The following LRRC20 variants were observed in gnomAD, a reference collection of about 807,000 sequenced individuals.
LRRC20 encodes the protein leucine-rich repeat-containing protein 20.
LRRC20 carries 11 observed loss-of-function variants against 14.4 expected under a neutral mutation model. The ratio of observed to expected loss-of-function variants is 0.77; its 90% CI spans 0.48 to 1.27. The LOEUF (loss-of-function observed/expected upper bound fraction) is 1.27, where lower values mean the gene tolerates loss of function less well. Ranked by LOEUF, LRRC20 falls within the 50% of genes most tolerant of loss-of-function variation. The pLI is 0.00. For synonymous variants in LRRC20, 121 were observed against 107.3 expected (o/e 1.13, Z -0.79); for missense variants, 219 against 251.2 (o/e 0.87, Z 0.87).
intron 2 of LRRC20, among the ~76,000 whole-genome samples, chr10:70,375,702 T>G (rs1170416712): frequency 6.6e-6 from 1 of 152,166 alleles, no homozygotes; most frequent in Admixed American, 6.6e-5. Flanking sequence ...CAGTGGTGCC[T>G]GCATTCCATG....
At chr10:70,361,850 C>A (rs2394724) in intron 2 of LRRC20, among the ~76,000 whole-genome samples, 140,396 of 152,210 alleles carry the variant, frequency 0.92, 64,925 homozygotes, top group Middle Eastern at 0.97. Context: ...GCACCTTAGC[C>A]AAAAACAGTC....
At chr10:70,376,371 T>A (rs1186846190) in intron 2 of LRRC20, 81 bp downstream of exon 2, 1 of 1,396,950 alleles carries the variant, frequency 7.2e-7, no homozygotes, top group Non-Finnish European at 1.0e-6. Context: ...CTGACGCTTG[T>A]GTCTTTCATC....
intron 3 of LRRC20, among the ~76,000 whole-genome samples, chr10:70,327,876 G>A (rs1842387894): frequency 6.6e-6 from 1 of 152,132 alleles, no homozygotes; most frequent in South Asian, 2.1e-4. Flanking sequence ...CTGTCTCATG[G>A]GCTCTGCATT....
At chr10:70,306,964 T>A (rs1841448863) in intron 4 of LRRC20, among the ~76,000 whole-genome samples, 1 of 152,250 alleles carries the variant, frequency 6.6e-6, no homozygotes, top group Non-Finnish European at 1.5e-5. Context: ...ATTGTCCAGA[T>A]TTGACCACTG....
chr10:70,340,683 C>T lies in LRRC20; in HGVS notation c.102G>A (p.Leu34=). 1 of 1,614,196 alleles carries T rather than the reference C, an allele frequency of 6.2e-7. No individual in the cohort carries two copies. The highest frequency in any genetic ancestry group is 8.5e-7 in the Non-Finnish European group (1 of 1,180,042). The stretch of plus-strand genomic sequence containing the variant: ...TGTAGATGCCAATGGGAAAGGAGAC[C>T]AGCTTGCACTCGGCCAGGTCTGCAG... ...SDTLDLAECK[L]VSFPIGIYKV... Residue 34 remains leucine (L), a synonymous_variant, in exon 3 of 5, where the codon CTG becomes CTA. Transcript: ENST00000446961.
intron 4 of LRRC20, among the ~76,000 whole-genome samples, chr10:70,307,377 A>G (rs1232632055): frequency 5.3e-5 from 8 of 152,228 alleles, no homozygotes; most frequent in African/African-American, 1.9e-4. Flanking sequence ...TTGCTCTGTC[A>G]ATGAATATGT....
chr10:70,321,770 C>T lies in LRRC20; in HGVS notation c.400+2093G>A, dbSNP rs549807325. On this transcript the variant is annotated intron_variant, in intron 4 of 4. Coordinates refer to ENST00000446961, the MANE Select transcript of LRRC20 (RefSeq NM_001278212.2). ...GTCACTGATGTCTCTCTTACCTGGC[C>T]AGATGTGTGATAGGCACTTGGCCAT... 1.2e-3 allele frequency among the ~76,000 whole-genome samples: 176 copies of T among 152,334 alleles called. 2 individuals carry two copies. In the South Asian group the frequency reaches 0.035, roughly 31 times the overall value.
intron 3 of LRRC20, among the ~76,000 whole-genome samples, chr10:70,339,596 C>T (rs537830235): frequency 3.3e-4 from 51 of 152,258 alleles, no homozygotes; most frequent in African/African-American, 1.2e-3. Context: ...GTACAACAGG[C>T]GCCCATGCCA....
intron 4 of LRRC20, among the ~76,000 whole-genome samples, chr10:70,319,100 C>T (rs377148977): frequency 6.6e-6 from 1 of 151,618 alleles, no homozygotes; most frequent in Non-Finnish European, 1.5e-5. Context: ...AGCCACCATG[C>T]CCAACTTAAA....
chr10:70,345,948 A>G (rs1050296941), intron 2 of LRRC20, among the ~76,000 whole-genome samples: 1 of 152,040 alleles, frequency 6.6e-6, no homozygotes, highest in Non-Finnish European at 1.5e-5. Flanking sequence ...TGGGCAACAC[A>G]GCAAGACCCG....
At chr10:70,349,033 C>A in intron 2 of LRRC20, among the ~76,000 whole-genome samples, 1 of 152,094 alleles carries the variant, frequency 6.6e-6, no homozygotes, top group East Asian at 1.9e-4. Flanking sequence ...GGGCCCCACC[C>A]AGGGAAGAGA....
intron 4 of LRRC20, among the ~76,000 whole-genome samples, chr10:70,304,470 T>TTATATAGATAGATATA (rs1554835659): frequency 1.8e-5 from 2 of 113,826 alleles, no homozygotes; most frequent in African/African-American, 6.0e-5. Context: ...GGCCACTTCT[T>TTATATAGATAGATATA]TATATATATA....
intron 4 of LRRC20, among the ~76,000 whole-genome samples, chr10:70,316,785 A>G (rs1032760313): frequency 6.6e-6 from 1 of 152,246 alleles, no homozygotes; most frequent in African/African-American, 2.4e-5. Flanking sequence ...TGTTTGTCTA[A>G]TGACCACCTC....
At chr10:70,307,292 A>T (rs1423265055) in intron 4 of LRRC20, among the ~76,000 whole-genome samples, 1 of 152,216 alleles carries the variant, frequency 6.6e-6, no homozygotes, top group Non-Finnish European at 1.5e-5. Flanking sequence ...CAGCAATGAC[A>T]CCCAAGTGGC....
intron 1 of LRRC20, among the ~76,000 whole-genome samples, chr10:70,378,721 G>A (rs994279576): frequency 1.6e-4 from 24 of 147,704 alleles, no homozygotes; most frequent in Non-Finnish European, 3.1e-4. Context: ...GCAGTGAGCC[G>A]AGATTGTGTC....
intron 3 of LRRC20, 42 bp downstream of exon 3, chr10:70,340,511 G>A (rs750147130): frequency 1.9e-6 from 3 of 1,612,422 alleles, no homozygotes; most frequent in Non-Finnish European, 2.5e-6. Flanking sequence ...TGAACGATGA[G>A]AGCTGGCCAT....
chr10:70,308,120 C>A (rs1223525206), intron 4 of LRRC20, among the ~76,000 whole-genome samples: 1 of 152,210 alleles, frequency 6.6e-6, no homozygotes, highest in Non-Finnish European at 1.5e-5. Flanking sequence ...GAGCCCCTCA[C>A]CACCACTCAT....
chr10:70,304,494 ATATAT>A (rs1841339145), intron 4 of LRRC20, among the ~76,000 whole-genome samples: 1 of 121,142 alleles, frequency 8.3e-6, no homozygotes, highest in Non-Finnish European at 1.7e-5. Flanking sequence ...ATATATATAT[ATATAT>A]ATATATATTT....
intron 1 of LRRC20, 113 bp from the exon 2 acceptor site, chr10:70,376,709 G>A: frequency 1.6e-6 from 1 of 619,666 alleles, no homozygotes; most frequent in Non-Finnish European, 2.8e-6. Context: ...AGCCTGCAGG[G>A]AGGGCCCCAG....
Sources: gnomAD v4.1 joint callset for allele counts (sites outside exome capture counted in the v4.1 genomes callset) on GRCh38, gnomAD v4.1.1 for gene constraint, MANE v1.5 for transcripts, NCBI Gene and HGNC (gene_info 2026-07-23, HGNC 2026-07-21) for gene names.